Variants in ADAMTS18 observed in about 807,000 individuals in gnomAD.
ADAMTS18 encodes the protein ADAM metallopeptidase with thrombospondin type 1 motif 18, also known as A disintegrin and metalloproteinase with thrombospondin motifs 18.
ADAMTS18 carries 157 observed loss-of-function variants against 165.9 expected under a neutral mutation model. The ratio of observed to expected loss-of-function variants is 0.95; its 90% CI spans 0.83 to 1.08. The LOEUF is 1.08. Ranked by LOEUF, ADAMTS18 falls within the 50% of genes least tolerant of loss-of-function variation. The probability of loss-of-function intolerance (pLI) is 0.00; values close to 1 mark genes in which losing one functional copy is unlikely to be tolerated. For synonymous variants in ADAMTS18, 782 were observed against 578.2 expected, an observed-to-expected ratio of 1.35 and a Z score of -5.06; for missense variants, 2,040 against 1,534.0, an observed-to-expected ratio of 1.33 and a Z score of -5.51.
Position 77,413,830 on chromosome 16 carries a change from A to C in ADAMTS18, c.495+17465T>G, listed in dbSNP as rs146353255. Among the ~76,000 whole-genome samples, 6 of 151,232 alleles carry C rather than the reference A, an allele frequency of 4.0e-5. No individual in the cohort carries two copies. The East Asian group carries it at 1.2e-3, about 29-fold the overall frequency. On this transcript the variant is annotated intron_variant, in intron 3 of 22. Transcript: ENST00000282849. Reference sequence around the variant, plus strand: ...CTGAAAAAAAAAAAAAGCAAAAGTTAATTAAACTAGCAAGTTTTAACCAAA... The same window carrying C: ...CTGAAAAAAAAAAAAAGCAAAAGTTCATTAAACTAGCAAGTTTTAACCAAA...
chr16:77,372,073 A>G (rs2056884065), intron 3 of ADAMTS18, among the ~76,000 whole-genome samples: 1 of 152,184 alleles, frequency 6.6e-6, no homozygotes, highest in African/African-American at 2.4e-5. Context: ...ACCATATGAG[A>G]TATTACCTCA....
intron 21 of ADAMTS18, among the ~76,000 whole-genome samples, chr16:77,290,299 A>AAT (rs2055337788): frequency 6.6e-6 from 1 of 152,214 alleles, no homozygotes; most frequent in African/African-American, 2.4e-5. Context: ...AGCTGTGGTC[A>AAT]ATATATTAAG....
intron 3 of ADAMTS18, among the ~76,000 whole-genome samples, chr16:77,418,554 C>T (rs998030476): frequency 2.0e-5 from 3 of 152,172 alleles, no homozygotes; most frequent in Admixed American, 6.5e-5. Flanking sequence ...AATATGTCTC[C>T]AGACAGCTTC....
chr16:77,401,619 G>C (rs2057332868), intron 3 of ADAMTS18, among the ~76,000 whole-genome samples: 3 of 152,136 alleles, frequency 2.0e-5, no homozygotes, highest in Non-Finnish European at 2.9e-5. Context: ...AAATTGACTG[G>C]GCTAAGGGAT....
intron 20 of ADAMTS18, 98 bp downstream of exon 20, chr16:77,292,978 C>G: frequency 6.7e-7 from 1 of 1,502,608 alleles, no homozygotes; most frequent in Non-Finnish European, 9.1e-7. Context: ...TGCCACCTTG[C>G]CTGGCTAATT....
intron 3 of ADAMTS18, among the ~76,000 whole-genome samples, chr16:77,409,361 G>A (rs1002201349): frequency 2.6e-5 from 4 of 152,186 alleles, no homozygotes; most frequent in South Asian, 2.1e-4. Context: ...CTTGTCCTAC[G>A]AAACAGACAC....
chr16:77,294,758 G>T (rs2055433187), intron 19 of ADAMTS18, among the ~76,000 whole-genome samples, 165 bp downstream of exon 19: 1 of 152,124 alleles, frequency 6.6e-6, no homozygotes, highest in Non-Finnish European at 1.5e-5. Context: ...CAAAACTTCA[G>T]ATTTCCTAAA....
intron 16 of ADAMTS18, among the ~76,000 whole-genome samples, chr16:77,314,311 C>A (rs2055838875): frequency 6.6e-6 from 1 of 152,106 alleles, no homozygotes; most frequent in South Asian, 2.1e-4. Context: ...CTATTTTCTC[C>A]ATTTTAATAT....
At chr16:77,412,264 T>G (rs567131757) in intron 3 of ADAMTS18, among the ~76,000 whole-genome samples, 26 of 152,306 alleles carry the variant, frequency 1.7e-4, no homozygotes, top group Non-Finnish European at 3.7e-4. Flanking sequence ...GTCTCCATCT[T>G]CTCAACGAGT....
chr16:77,358,899 A>G (rs193272556), intron 8 of ADAMTS18, among the ~76,000 whole-genome samples: 3 of 152,354 alleles, frequency 2.0e-5, no homozygotes, highest in East Asian at 3.9e-4. Context: ...AGTACATGCA[A>G]TGTTGCCAAC....
intron 3 of ADAMTS18, among the ~76,000 whole-genome samples, chr16:77,429,961 C>G (rs1172812195): frequency 6.6e-6 from 1 of 152,130 alleles, no homozygotes; most frequent in Non-Finnish European, 1.5e-5. Context: ...TGTCTAAGGT[C>G]CTATGAGTAA....
chr16:77,283,960 A>C lies in ADAMTS18; in HGVS notation c.3662T>G (p.Ile1221Ser), dbSNP rs1461793372. ...KQCCKSCTRK[I>S] ...GTGCTGGGGAGGACACCAAGATCAGATCTTCCTTGTGCATGACTTGCAGCA... is the reference window on the plus strand; with the variant it reads ...GTGCTGGGGAGGACACCAAGATCAGCTCTTCCTTGTGCATGACTTGCAGCA... The change falls in exon 23 of 23, where the codon ATC becomes AGC. Residue 1221 changes from isoleucine to serine, a missense_variant. Physicochemically the swap from Ile to Ser is moderately radical, Grantham distance 142 (BLOSUM62 -2). Transcript: ENST00000282849. 3 of 1,613,254 alleles carry C rather than the reference A, an allele frequency of 1.9e-6. No individual in the cohort carries two copies. The South Asian group carries it at 3.3e-5, about 18-fold the overall frequency.
chr16:77,314,786 A>ATATATATATATATAT (rs1491101675), intron 16 of ADAMTS18, among the ~76,000 whole-genome samples: 18 of 81,770 alleles, frequency 2.2e-4, no homozygotes, highest in Non-Finnish European at 3.2e-4. Context: ...ATATATATAT[A>ATATATATATATATAT]AAATATATGT....
chr16:77,384,931 A>G (rs905940811), intron 3 of ADAMTS18, among the ~76,000 whole-genome samples: 3 of 149,236 alleles, frequency 2.0e-5, no homozygotes, highest in Admixed American at 2.0e-4. Flanking sequence ...TTTTTCTGAG[A>G]CAGAGTCTTG....
At position 77,297,405 on chromosome 16, in the gene ADAMTS18, A is replaced by G. The variant is rs1284038823; in HGVS notation, c.2685T>C (p.Asn895=). 1 of 1,612,764 alleles carries G rather than the reference A, an allele frequency of 6.2e-7. No individual in the cohort carries two copies. Among genetic ancestry groups the G allele is most frequent in the Admixed American group, 1.7e-5 (1 of 60,024 alleles). ...CSVSCGGGYI[N]VKAICLRDQN... ...GATCTCGCAAGCAAATGGCCTTTAC[A>G]TTTATGTAACCTGGTAAGACATCAG... Residue 895 remains asparagine (N), a synonymous_variant, in exon 18 of 23, where the codon AAT becomes AAC. Coordinates refer to ENST00000282849, the MANE Select transcript of ADAMTS18 (RefSeq NM_199355.4).
chr16:77,434,293 A>G lies in ADAMTS18; in HGVS notation c.178+125T>C, dbSNP rs904610729. 12 of 1,153,116 alleles carry G rather than the reference A, an allele frequency of 1.0e-5. No homozygotes were observed. In the Admixed American group the frequency reaches 2.1e-4, roughly 20 times the overall value. The allele number at this position is 1,153,116 out of a possible 1,614,324, so 71.4% of individuals were successfully genotyped here. ...CTTCCCCCCTCTCCAAACAGGAACCATTTCCAAGACAGCGCACACCTGCCA... is the reference window on the plus strand; with the variant it reads ...CTTCCCCCCTCTCCAAACAGGAACCGTTTCCAAGACAGCGCACACCTGCCA... On this transcript the variant is annotated intron_variant, in intron 2 of 22. Transcript: ENST00000282849.
At chr16:77,385,240 C>A (rs1044951098) in intron 3 of ADAMTS18, among the ~76,000 whole-genome samples, 1 of 152,124 alleles carries the variant, frequency 6.6e-6, no homozygotes, top group Non-Finnish European at 1.5e-5. Context: ...AGATTAGTAT[C>A]CCTTGTCATC....
chr16:77,370,713 G>A (rs1219504620), intron 3 of ADAMTS18, among the ~76,000 whole-genome samples: 1 of 152,032 alleles, frequency 6.6e-6, no homozygotes, highest in African/African-American at 2.4e-5. Context: ...TCATGCCACT[G>A]CACTCCAGCG....
At chr16:77,359,027 GTCT>G (rs138717080) in intron 8 of ADAMTS18, among the ~76,000 whole-genome samples, 2,839 of 152,254 alleles carry the variant, frequency 0.019, 89 homozygotes, top group African/African-American at 0.065. Context: ...AGCTAGAAGT[GTCT>G]TCATTGCTGC....
Sources: allele counts gnomAD v4.1 joint callset (sites outside exome capture counted in the v4.1 genomes callset), GRCh38; gene constraint gnomAD v4.1.1; transcripts MANE v1.5; gene names NCBI Gene and HGNC (gene_info 2026-07-23, HGNC 2026-07-21).